DCC: variants seen among roughly 807,000 people sequenced by gnomAD.
The protein encoded by DCC is netrin receptor DCC.
Under a neutral mutation model 172.5 loss-of-function variants are expected in DCC, and 58 were observed. That is an observed-to-expected ratio of 0.34 (90% CI 0.27 to 0.42). The LOEUF (loss-of-function observed/expected upper bound fraction) is 0.42. DCC is among the 10% of genes least tolerant of loss of function. DCC has a pLI of 1.00. For synonymous variants in DCC, 709 were observed against 644.5 expected (o/e 1.10, Z -1.52); for missense variants, 1,740 against 1,791.0 (o/e 0.97, Z 0.51).
At chr18:52,611,588 G>A (rs1187158564) in intron 1 of DCC, among the ~76,000 whole-genome samples, 1 of 152,150 alleles carries the variant, frequency 6.6e-6, no homozygotes, top group Non-Finnish European at 1.5e-5. Flanking sequence ...AGATCTTCAT[G>A]TTGGGTGTCT....
At chr18:53,163,430 A>G (rs2054872709) in intron 8 of DCC, among the ~76,000 whole-genome samples, 1 of 152,202 alleles carries the variant, frequency 6.6e-6, no homozygotes, top group African/African-American at 2.4e-5. Context: ...AAAATATGCC[A>G]CTGTCTCTTA....
At chr18:53,251,605 T>C (rs2056435587) in intron 12 of DCC, among the ~76,000 whole-genome samples, 1 of 151,986 alleles carries the variant, frequency 6.6e-6, no homozygotes, top group African/African-American at 2.4e-5. Context: ...GGATTCTCTT[T>C]GAAATCACAT....
At chr18:53,052,681 C>G (rs974726016) in intron 5 of DCC, among the ~76,000 whole-genome samples, 1 of 152,152 alleles carries the variant, frequency 6.6e-6, no homozygotes, top group Non-Finnish European at 1.5e-5. Flanking sequence ...TTTAGGATAC[C>G]TAGCTTTGCT....
At chr18:52,886,116 G>C (rs1327148192) in intron 2 of DCC, among the ~76,000 whole-genome samples, 1 of 151,886 alleles carries the variant, frequency 6.6e-6, no homozygotes, top group Non-Finnish European at 1.5e-5. Flanking sequence ...GCACTGCCTG[G>C]GGTTGGGAGA....
intron 15 of DCC, among the ~76,000 whole-genome samples, chr18:53,383,206 T>C (rs1907898275): frequency 6.6e-6 from 1 of 152,068 alleles, no homozygotes; most frequent in Non-Finnish European, 1.5e-5. Flanking sequence ...TATTTTATCT[T>C]AGCAATTATT....
chr18:52,355,841 AT>A (rs1984338953), intron 1 of DCC, among the ~76,000 whole-genome samples: 1 of 152,174 alleles, frequency 6.6e-6, no homozygotes, highest in Non-Finnish European at 1.5e-5. Context: ...ATGATCAGAA[AT>A]TCTTCCAGAA....
intron 2 of DCC, among the ~76,000 whole-genome samples, chr18:52,848,529 T>TC (rs1440201800): frequency 6.6e-6 from 1 of 152,256 alleles, no homozygotes; most frequent in African/African-American, 2.4e-5. Flanking sequence ...CGTATTTTTT[T>TC]CCCATAGAAT....
In DCC at chr18:52,866,791, A is replaced by G. The variant is rs1036112389; in HGVS notation, c.413-39253A>G. On this transcript the variant is annotated intron_variant, in intron 2 of 28. Transcript: ENST00000442544. ...CTTAAGGAGATTTTGGGCTGAGACT[A>G]TGGGGTTTTCTAAATACACAATCAT... is the stretch of plus-strand genomic sequence containing the variant. Among the ~76,000 whole-genome samples, 10 of 152,310 alleles carry G rather than the reference A, an allele frequency of 6.6e-5. No individual in the cohort carries two copies. The East Asian group carries it at 7.7e-4, about 12-fold the overall frequency.
At chr18:53,225,762 T>C (rs2056017063) in intron 12 of DCC, among the ~76,000 whole-genome samples, 1 of 152,194 alleles carries the variant, frequency 6.6e-6, no homozygotes, top group Non-Finnish European at 1.5e-5. Flanking sequence ...GTCATGAATT[T>C]AAAGTGAAAC....
At chr18:52,555,952 T>C (rs984440438) in intron 1 of DCC, among the ~76,000 whole-genome samples, 2 of 152,172 alleles carry the variant, frequency 1.3e-5, no homozygotes, top group Admixed American at 1.3e-4. Flanking sequence ...TTATGCATCA[T>C]TGTGTGAATG....
intron 12 of DCC, among the ~76,000 whole-genome samples, chr18:53,219,587 A>G (rs762382789): frequency 3.3e-5 from 5 of 152,108 alleles, no homozygotes; most frequent in Non-Finnish European, 7.4e-5. Flanking sequence ...CTTATTCTTG[A>G]ACACCAGATG....
intron 9 of DCC, among the ~76,000 whole-genome samples, chr18:53,181,093 C>G (rs1412628412): frequency 1.3e-5 from 2 of 151,868 alleles, no homozygotes; most frequent in African/African-American, 4.9e-5. Flanking sequence ...AATTTAAAAA[C>G]TCTTGAAAAA....
chr18:52,737,210 T>C (rs1373714594), intron 1 of DCC, among the ~76,000 whole-genome samples: 1 of 152,116 alleles, frequency 6.6e-6, no homozygotes, highest in African/African-American at 2.4e-5. Flanking sequence ...TAAGATAAAT[T>C]AATGAAAAAC....
chr18:52,906,466 C>T (rs2039883650), intron 3 of DCC, 138 bp downstream of exon 3: 13 of 955,008 alleles, frequency 1.4e-5, no homozygotes, highest in Non-Finnish European at 1.9e-5. Flanking sequence ...TTTCTTTCTT[C>T]CTTGCCGAAG....
intron 3 of DCC, among the ~76,000 whole-genome samples, chr18:52,906,958 G>A (rs1171433255): frequency 6.6e-6 from 1 of 151,856 alleles, no homozygotes; most frequent in Non-Finnish European, 1.5e-5. Context: ...ATGTGGTAAA[G>A]TGTGAAGAGT....
At chr18:53,461,330 G>A (rs1239117734) in intron 24 of DCC, among the ~76,000 whole-genome samples, 1 of 151,536 alleles carries the variant, frequency 6.6e-6, no homozygotes, top group Admixed American at 6.6e-5. Context: ...CATTGCTTTT[G>A]GTGTTTTAGA....
intron 27 of DCC, among the ~76,000 whole-genome samples, chr18:53,499,758 C>T (rs756199840): frequency 5.3e-5 from 8 of 152,068 alleles, no homozygotes; most frequent in African/African-American, 1.9e-4. Flanking sequence ...GAAGCCAGTC[C>T]ACCATTTTTA....
At chr18:53,047,280 A>ATATAATTTTATG (rs2042257015) in intron 5 of DCC, among the ~76,000 whole-genome samples, 1 of 17,814 alleles carries the variant, frequency 5.6e-5, no homozygotes, top group African/African-American at 4.3e-4. Context: ...ATATATATAT[A>ATATAATTTTATG]TATATATAAT....
At chr18:52,680,711 A>C (rs957319565) in intron 1 of DCC, among the ~76,000 whole-genome samples, 1 of 152,078 alleles carries the variant, frequency 6.6e-6, no homozygotes. Context: ...CTTGCAAATC[A>C]TGTCATTTAG....
Sources: gnomAD v4.1 joint callset for allele counts (sites outside exome capture counted in the v4.1 genomes callset) on GRCh38, gnomAD v4.1.1 for gene constraint, MANE v1.5 for transcripts, NCBI Gene and HGNC (gene_info 2026-07-23, HGNC 2026-07-21) for gene names.